The following ZNF574 variants were observed in gnomAD, a reference collection of about 807,000 sequenced individuals.
ZNF574 encodes zinc finger protein 574.
In ZNF574, 25 loss-of-function variants were observed where a neutral mutation model predicts 56.6. The observed-to-expected ratio is 0.44, with a 90% CI of 0.32 to 0.62. The LOEUF (loss-of-function observed/expected upper bound fraction) is 0.62, where lower values mean the gene tolerates loss of function less well. Among genes scored for constraint, ZNF574 ranks in the 20% least tolerant of loss-of-function variants. ZNF574 has a pLI of 0.04. For missense variants in ZNF574, 1,065 were observed against 1,218.9 expected (o/e 0.87, Z 1.88); for synonymous variants, 543 against 492.1 (o/e 1.10, Z -1.37).
rs1054600354 is a variant in ZNF574 at position 42,080,709 on chromosome 19, G to C, written c.2103G>C (p.Glu701Asp). The change falls in exon 2 of 2, where the codon GAG (glutamate) becomes GAC (aspartate). Residue 701 changes from glutamate to aspartate, a missense_variant. By Grantham distance (45) the Glu-to-Asp change is conservative. Transcript: ENST00000359044. This position sits in a 1 kb window ranked among gnomAD's most constrained non-coding sequence, Gnocchi z 8.5. The stretch of plus-strand genomic sequence containing the variant: ...GGCCTGGAGAGGTCCTGGCTAAGGA[G>C]CCCCCTGCCCCTCGAGCCCCACGGG... ...AAGPGEVLAK[E>D]PPAPRAPRAT... The C allele has an allele frequency of 1.9e-6, 3 of 1,613,150 alleles. No homozygotes were observed. Among genetic ancestry groups the C allele is most frequent in the Non-Finnish European group, 2.5e-6 (3 of 1,179,906 alleles).
rs750633215 is a variant in ZNF574, at chr19:42,080,435, G to A, written c.1829G>A (p.Arg610His). 10 of 1,614,044 alleles carry A rather than the reference G, an allele frequency of 6.2e-6. No homozygotes were observed. Among genetic ancestry groups the A allele is most frequent in the Admixed American group, 3.3e-5 (2 of 60,012 alleles). ...HHTGEYPYKC[R>H]ECPRSFLLRR... ...ACAGGTGAATACCCCTACAAGTGTC[G>A]CGAGTGCCCCCGCTCCTTCTTGCTG... The change falls in exon 2 of 2, where the codon CGC becomes CAC. Residue 610 changes from arginine to histidine, a missense_variant. Transcript: ENST00000359044. This position sits in a 1 kb window ranked among gnomAD's most constrained non-coding sequence, Gnocchi z 8.5.
chr19:42,080,593 G>T lies in ZNF574; in HGVS notation c.1987G>T (p.Ala663Ser). 6.2e-7 allele frequency: 1 copy of T among 1,612,698 alleles called. No individual in the cohort carries two copies. The highest frequency in any genetic ancestry group is 8.5e-7 in the Non-Finnish European group (1 of 1,179,846). The change falls in exon 2 of 2, where the codon GCC becomes TCC. Residue 663 changes from alanine to serine, a missense_variant. By Grantham distance (99) the Ala-to-Ser change is moderately conservative (BLOSUM62 1). Transcript: ENST00000359044. This position sits in a 1 kb window ranked among gnomAD's most constrained non-coding sequence, Gnocchi z 8.5. Reference protein sequence around the residue: ...EHRCAAAAAQAPRRFECGTCG... With the variant: ...EHRCAAAAAQSPRRFECGTCG... ...CCGCTGTGCAGCCGCTGCTGCCCAG[G>T]CCCCACGGCGCTTTGAGTGTGGCAC...
upstream of ZNF574, chr19:42,074,535 C>T (rs1232740008): frequency 6.6e-6 from 1 of 152,076 alleles, no homozygotes; most frequent in Admixed American, 6.5e-5. Flanking sequence ...ATGTCTTTTA[C>T]TCTCTGCCTC....
In ZNF574 at chr19:42,079,243, C is replaced by T; in HGVS notation, c.637C>T (p.Leu213Phe). Residue 213 changes from leucine to phenylalanine, a missense_variant, in exon 2 of 2, where the codon CTC (leucine) becomes TTC (phenylalanine). Transcript: ENST00000359044. This position sits in a 1 kb window ranked among gnomAD's most constrained non-coding sequence, Gnocchi z 4.3. ...TEVVTEVELL[L>F]YKCSECSQLF... ...GGTAGTGACTGAGGTGGAGCTGCTC[C>T]TCTACAAGTGCTCTGAGTGCTCCCA... 6.2e-7 allele frequency: 1 copy of T among 1,614,104 alleles called. No individual in the cohort carries two copies. Among genetic ancestry groups the T allele is most frequent in the Non-Finnish European group, 8.5e-7 (1 of 1,180,024 alleles).
exon 1 of ZNF574, chr19:42,068,675 G>T: frequency 4.6e-6 from 2 of 438,342 alleles, no homozygotes; most frequent in South Asian, 5.3e-5. Context: ...AGCCAGGGTG[G>T]AGGAGTTCTG....
upstream of ZNF574, among the ~76,000 whole-genome samples, chr19:42,073,900 G>C (rs1057399519): frequency 3.3e-5 from 5 of 150,320 alleles, no homozygotes; most frequent in Admixed American, 6.7e-5. Context: ...GAGGCTGGGT[G>C]GGGGGGTGGA....
At position 42,078,793 on chromosome 19, in the gene ZNF574, G is replaced by C; in HGVS notation, c.187G>C (p.Gly63Arg). Residue 63 changes from glycine (G) to arginine (R), a missense_variant, in exon 2 of 2, where the codon GGC (glycine) becomes CGC (arginine). By Grantham distance (125) the Gly-to-Arg change is moderately radical. Coordinates refer to ENST00000359044, the MANE Select transcript of ZNF574 (RefSeq NM_022752.6). Reference protein sequence around the residue: ...GVTVATDTASGTGLYQTLVQE... With the variant: ...GVTVATDTASRTGLYQTLVQE... ...CACTGTGGCCACAGACACAGCTTCA[G>C]GCACGGGCCTCTATCAGACCCTTGT... 3 of 1,614,088 alleles carry C rather than the reference G, an allele frequency of 1.9e-6. No homozygotes were observed. The highest frequency in any genetic ancestry group is 2.5e-6 in the Non-Finnish European group (3 of 1,179,972).
rs1302888053 is a variant in ZNF574 at position 42,078,866 on chromosome 19, C to T, written c.260C>T (p.Ser87Leu). The T allele has an allele frequency of 6.2e-7, 1 of 1,614,088 alleles. No individual in the cohort carries two copies. The highest frequency in any genetic ancestry group is 1.7e-5 in the Admixed American group (1 of 60,024). The change falls in exon 2 of 2, where the codon TCA becomes TTA. Residue 87 changes from serine to leucine, a missense_variant. Physicochemically the swap from Ser to Leu is moderately radical, Grantham distance 145. Coordinates refer to ENST00000359044, the MANE Select transcript of ZNF574 (RefSeq NM_022752.6). ...QCLECGQLLM[S>L]PSQLLEHQEL... Reference sequence around the variant, plus strand: ...CTGGAGTGTGGTCAACTGCTGATGTCACCCAGCCAGCTCCTGGAGCACCAG... The same window carrying T: ...CTGGAGTGTGGTCAACTGCTGATGTTACCCAGCCAGCTCCTGGAGCACCAG...
rs2076470491 is a variant in ZNF574, at chr19:42,078,453, G to T, written c.-20-134G>T. 4 of 770,030 alleles carry T rather than the reference G, an allele frequency of 5.2e-6. No homozygotes were observed. In the South Asian group the frequency reaches 6.9e-5, roughly 13 times the overall value. 47.7% of individuals were successfully genotyped at this position (770,030 alleles called of 1,614,324 possible). On this transcript the variant is annotated intron_variant, in intron 1 of 1. Transcript: ENST00000359044. ...GAGGGGAGGAAGGATTATTGGGAGG[G>T]AGGCAGAATTTTAAAAATCGAAGGA...
rs267605509 is a variant in ZNF574, at chr19:42,079,561, C to T, written c.955C>T (p.Leu319Phe). 4.3e-6 allele frequency: 7 copies of T among 1,614,016 alleles called. No homozygotes were observed. In the South Asian group the frequency reaches 7.7e-5, roughly 18 times the overall value. ...LFCSACDQLF[L>F]SPHQLQQHLR... ...CTGCTCAGCCTGTGACCAGCTCTTT[C>T]TCTCACCCCACCAGCTACAGCAGCA... The change falls in exon 2 of 2, where the codon CTC (leucine) becomes TTC (phenylalanine). Residue 319 changes from leucine (L) to phenylalanine (F), a missense_variant. Leu to Phe is a conservative substitution (Grantham distance 22). Coordinates refer to ENST00000359044, the MANE Select transcript of ZNF574 (RefSeq NM_022752.6). This position sits in a 1 kb window ranked among gnomAD's most constrained non-coding sequence, Gnocchi z 4.3.
chr19:42,078,488 G>T, intron 1 of ZNF574, 99 bp from the exon 2 acceptor site: 1 of 1,039,672 alleles, frequency 9.6e-7, no homozygotes, highest in Non-Finnish European at 1.4e-6. Flanking sequence ...AAGAACTTAA[G>T]GGGGTGTAGA....
upstream of ZNF574, among the ~76,000 whole-genome samples, chr19:42,074,224 A>C (rs2076442390): frequency 6.6e-6 from 1 of 151,992 alleles, no homozygotes; most frequent in African/African-American, 2.4e-5. Context: ...TGGGAAGCCA[A>C]GGCAGGTGGA....
chr19:42,080,112 G>T lies in ZNF574; in HGVS notation c.1506G>T (p.Lys502Asn). Residue 502 changes from lysine (K) to asparagine (N), a missense_variant, in exon 2 of 2, where the codon AAG (lysine) becomes AAT (asparagine). Lys to Asn is a moderately conservative substitution (Grantham distance 94). Transcript: ENST00000359044. The surrounding 1 kb of genome is among the most constrained non-coding windows in gnomAD (Gnocchi z 8.5). ...ERRHKCSICG[K>N]MFKKKSHVRN... ...GCCATAAATGCAGCATTTGTGGCAA[G>T]ATGTTCAAGAAGAAGTCTCACGTGC... 1 of 1,614,140 alleles carries T rather than the reference G, an allele frequency of 6.2e-7. No individual in the cohort carries two copies. The highest frequency in any genetic ancestry group is 8.5e-7 in the Non-Finnish European group (1 of 1,180,038).
At chr19:42,072,235 T>C (rs374297741), upstream of ZNF574, among the ~76,000 whole-genome samples, 104 of 148,040 alleles carry the variant, frequency 7.0e-4, no homozygotes, top group African/African-American at 2.5e-3. Context: ...TTTTTCCTTT[T>C]CTTTTTTTTT....
chr19:42,074,064 C>T (rs1053482515), upstream of ZNF574, among the ~76,000 whole-genome samples: 3 of 150,798 alleles, frequency 2.0e-5, no homozygotes, highest in Admixed American at 1.3e-4. Flanking sequence ...ACCCAGGAGG[C>T]GGAGGTTGCA....
At position 42,081,445 on chromosome 19, in the gene ZNF574, G is replaced by C; in HGVS notation, c.*148G>C. 1 of 1,034,548 alleles carries C rather than the reference G, an allele frequency of 9.7e-7. No homozygotes were observed. The highest frequency in any genetic ancestry group is 1.5e-5 in the South Asian group (1 of 68,318). 64.1% of individuals were successfully genotyped at this position (1,034,548 alleles called of 1,614,324 possible). A position where few individuals can be genotyped will look rare whatever the true frequency, so the allele number is the denominator to read the frequency against. On this transcript the variant is annotated 3_prime_UTR_variant, in exon 2 of 2. Coordinates refer to ENST00000359044, the MANE Select transcript of ZNF574 (RefSeq NM_022752.6). ...AAATTGGATTTATTCTCTCGTGAGG[G>C]GGGTGCTCTGGGGTCCTTGACACAC... is the stretch of plus-strand genomic sequence containing the variant.
Position 42,079,136 on chromosome 19 carries a change from T to C in ZNF574, c.530T>C (p.Val177Ala), listed in dbSNP as rs750681648. ...VLGPPVGQAR[V>A]AVEHSYRKAE... ...GGGCCTCCTGTGGGCCAGGCCCGAG[T>C]GGCTGTGGAGCACTCATACCGAAAG... is the stretch of plus-strand genomic sequence containing the variant. The change falls in exon 2 of 2, where the codon GTG becomes GCG. Residue 177 changes from valine to alanine, a missense_variant. By Grantham distance (64) the Val-to-Ala change is moderately conservative. Coordinates refer to ENST00000359044, the MANE Select transcript of ZNF574 (RefSeq NM_022752.6). This position sits in a 1 kb window ranked among gnomAD's most constrained non-coding sequence, Gnocchi z 4.3. 24 of 1,613,778 alleles carry C rather than the reference T, an allele frequency of 1.5e-5. No homozygotes were observed. The South Asian group carries it at 2.6e-4, about 18-fold the overall frequency.
At position 42,080,932 on chromosome 19, in the gene ZNF574, C is replaced by A. The variant is rs780438040; in HGVS notation, c.2326C>A (p.Arg776Ser). 1.2e-6 allele frequency: 2 copies of A among 1,613,766 alleles called. No individual in the cohort carries two copies. Among genetic ancestry groups the A allele is most frequent in the African/African-American group, 1.3e-5 (1 of 74,838 alleles). The change falls in exon 2 of 2, where the codon CGT (arginine) becomes AGT (serine). Residue 776 changes from arginine to serine, a missense_variant. Physicochemically the swap from Arg to Ser is moderately radical, Grantham distance 110 (BLOSUM62 -1). Transcript: ENST00000359044. This position sits in a 1 kb window ranked among gnomAD's most constrained non-coding sequence, Gnocchi z 8.5. Reference sequence around the variant, plus strand: ...ATGTCCAGACTGTGGCAAAGCGTTCCGTCAGAGTACCCACCTGAAAGACCA... The same window carrying A: ...ATGTCCAGACTGTGGCAAAGCGTTCAGTCAGAGTACCCACCTGAAAGACCA... ...YPCPDCGKAF[R>S]QSTHLKDHRR...
chr19:42,080,656 G>T lies in ZNF574; in HGVS notation c.2050G>T (p.Ala684Ser). The change falls in exon 2 of 2, where the codon GCA becomes TCA. Residue 684 changes from alanine to serine, a missense_variant. By Grantham distance (99) the Ala-to-Ser change is moderately conservative. Transcript: ENST00000359044. The surrounding 1 kb of genome is among the most constrained non-coding windows in gnomAD (Gnocchi z 8.5). Reference protein sequence around the residue: ...KKVGSAARLQAHEAAHAAAGP... With the variant: ...KKVGSAARLQSHEAAHAAAGP... ...AGTGGGCTCAGCTGCTCGACTGCAG[G>T]CACACGAGGCGGCCCATGCAGCTGC... 6.2e-7 allele frequency: 1 copy of T among 1,613,062 alleles called. No homozygotes were observed. The highest frequency in any genetic ancestry group is 1.1e-5 in the South Asian group (1 of 91,078).
Sources: gnomAD v4.1 joint callset for allele counts (sites outside exome capture counted in the v4.1 genomes callset) on GRCh38, gnomAD v4.1.1 for gene constraint, Gnocchi (gnomAD v3.1) non-coding constraint, MANE v1.5 for transcripts, NCBI Gene and HGNC (gene_info 2026-07-23, HGNC 2026-07-21) for gene names.